Variants in CTSE observed in about 807,000 individuals in gnomAD.
CTSE encodes the protein erythrocyte membrane aspartic proteinase.
A neutral mutation model predicts 42.8 loss-of-function variants in CTSE; 43 were observed. The ratio of observed to expected loss-of-function variants is 1.01; its 90% CI spans 0.79 to 1.30. The LOEUF (loss-of-function observed/expected upper bound fraction) is 1.30, where lower values mean the gene tolerates loss of function less well. Ranked by LOEUF, CTSE falls within the 50% of genes most tolerant of loss-of-function variation. The probability of loss-of-function intolerance (pLI) is 0.00; values close to 1 mark genes in which losing one functional copy is unlikely to be tolerated. For missense variants in CTSE, 532 were observed against 493.5 expected (o/e 1.08, Z -0.74); for synonymous variants, 205 against 191.5 (o/e 1.07, Z -0.58).
chr1:206,018,700 T>G (rs1661328382), intron 4 of CTSE, among the ~76,000 whole-genome samples: 2 of 152,018 alleles, frequency 1.3e-5, no homozygotes, highest in South Asian at 4.1e-4. Context: ...CAATATAAAA[T>G]TATTCTTGAT....
chr1:206,019,817 T>C (rs1335484661), intron 4 of CTSE, among the ~76,000 whole-genome samples: 1 of 142,778 alleles, frequency 7.0e-6, no homozygotes, highest in Non-Finnish European at 1.5e-5. Flanking sequence ...TATTATGTAA[T>C]ATATTATGTT....
chr1:206,010,245 G>A lies in CTSE; in HGVS notation c.1129C>T (p.Gln377Ter), dbSNP rs1661050878. Residue 377 changes from glutamine (Q) to a stop codon, truncating the protein, a stop_gained, in exon 9 of 9, where the codon CAG (glutamine) becomes TAG (stop). Transcript: ENST00000358184. LOFTEE classifies it high-confidence loss of function. The part of the protein sequence containing the change: ...LWILGDVFIR[Q>*]FYSVFDRGNN... ...CCACGGTCAAAGACTGAGTAAAACT[G>A]TCGAATGAAGACATCCCCCAGGATC... The A allele has an allele frequency of 1.2e-6, 2 of 1,613,674 alleles. No homozygotes were observed. Among genetic ancestry groups the A allele is most frequent in the Non-Finnish European group, 1.7e-6 (2 of 1,179,784 alleles).
At chr1:206,016,189 G>T in intron 4 of CTSE, 59 bp from the exon 5 acceptor site, 2 of 1,512,020 alleles carry the variant, frequency 1.3e-6, no homozygotes, top group South Asian at 1.1e-5. Context: ...GCTGGCAAAG[G>T]GTTTGACTCC....
At chr1:206,015,278 G>A (rs145118508) in intron 5 of CTSE, among the ~76,000 whole-genome samples, 55 of 152,108 alleles carry the variant, frequency 3.6e-4, no homozygotes, top group African/African-American at 1.0e-3. Flanking sequence ...CATCAACAAC[G>A]GTTTAAGAAT....
chr1:206,016,022 A>T lies in CTSE; in HGVS notation c.571T>A (p.Ser191Thr). The stretch of plus-strand genomic sequence containing the variant: ...GGAGTCACTCCTCCCACAGCCAAGG[A>T]GGGGTATCCCAGGCCCAGAATTCCA... ...FDGILGLGYP[S>T]LAVGGVTPVF... The change falls in exon 5 of 9, where the codon TCC becomes ACC. Residue 191 changes from serine (S) to threonine (T), a missense_variant. By Grantham distance (58) the Ser-to-Thr change is moderately conservative. Coordinates refer to ENST00000358184, the MANE Select transcript of CTSE (RefSeq NM_001910.4). 1 of 1,613,906 alleles carries T rather than the reference A, an allele frequency of 6.2e-7. No homozygotes were observed. The highest frequency in any genetic ancestry group is 8.5e-7 in the Non-Finnish European group (1 of 1,179,856).
Position 206,010,259 on chromosome 1 carries a change from TC to T in CTSE, c.1114del (p.Asp372MetfsTer40), listed in dbSNP as rs781938686. ...TGAGTAAAACTGTCGAATGAAGACATCCCCCAGGATCCAGAGGGGCCCAGCT... is the reference window on the plus strand; with the variant it reads ...TGAGTAAAACTGTCGAATGAAGACATCCCCAGGATCCAGAGGGGCCCAGCT... ...PPAGPLWILG[D>X]VFIRQFYSVF... On this transcript the variant is annotated frameshift_variant, in exon 9 of 9. Coordinates refer to ENST00000358184, the MANE Select transcript of CTSE (RefSeq NM_001910.4). LOFTEE classifies it high-confidence loss of function. 93 of 1,613,674 alleles carry T rather than the reference TC, an allele frequency of 5.8e-5. 3 individuals are homozygous for T. In the South Asian group the frequency reaches 9.6e-4, roughly 17 times the overall value.
At position 206,010,237 on chromosome 1, in the gene CTSE, G is replaced by A. The variant is rs782191123; in HGVS notation, c.1137C>T (p.Tyr379=). 3 of 1,613,832 alleles carry A rather than the reference G, an allele frequency of 1.9e-6. No individual in the cohort carries two copies. The highest frequency in any genetic ancestry group is 1.3e-5 in the African/African-American group (1 of 75,044). ...ILGDVFIRQF[Y]SVFDRGNNRV... Reference sequence around the variant, plus strand: ...GGTTATTCCCACGGTCAAAGACTGAGTAAAACTGTCGAATGAAGACATCCC... The same window carrying A: ...GGTTATTCCCACGGTCAAAGACTGAATAAAACTGTCGAATGAAGACATCCC... The change falls in exon 9 of 9, where the codon TAC becomes TAT. Residue 379 remains tyrosine, a synonymous_variant. Transcript: ENST00000358184.
At position 206,009,887 on chromosome 1, in the gene CTSE, A is replaced by G. The variant is rs1553276655; in HGVS notation, c.*296T>C. 2.5e-6 allele frequency: 1 copy of G among 396,404 alleles called. No homozygotes were observed. The highest frequency in any genetic ancestry group is 5.0e-5 in the East Asian group (1 of 20,100). 24.6% of individuals were successfully genotyped at this position (396,404 alleles called of 1,614,324 possible). On this transcript the variant is annotated 3_prime_UTR_variant, in exon 9 of 9. Coordinates refer to ENST00000358184, the MANE Select transcript of CTSE (RefSeq NM_001910.4). ...CTTGTGCATATGTTTGGAGATTTTC[A>G]TAATCAAATGTGAAAATTTTTGATT...
At position 206,010,424 on chromosome 1, in the gene CTSE, G is replaced by A. The variant is rs1483978093; in HGVS notation, c.1027-77C>T. 28 of 1,338,936 alleles carry A rather than the reference G, an allele frequency of 2.1e-5. No individual in the cohort carries two copies. The Admixed American group carries it at 4.6e-4, about 22-fold the overall frequency. 82.9% of individuals were successfully genotyped at this position (1,338,936 alleles called of 1,614,324 possible). The stretch of plus-strand genomic sequence containing the variant: ...GTACTGCCTGGAGGCTGCCTGTGTG[G>A]TGGTGGTGGCTGGCACTGGGTGGCC... On this transcript the variant is annotated intron_variant, in intron 8 of 8. Transcript: ENST00000358184.
In CTSE at chr1:206,010,135, C is replaced by G. The variant is rs1553276708; in HGVS notation, c.*48G>C. ...AGGTGTAAAGAATGCCCCAGCCTAACATATTCAAGGTCTGTCAGACAGGCA... is the reference window on the plus strand; with the variant it reads ...AGGTGTAAAGAATGCCCCAGCCTAAGATATTCAAGGTCTGTCAGACAGGCA... On this transcript the variant is annotated 3_prime_UTR_variant, in exon 9 of 9. Transcript: ENST00000358184. The G allele has an allele frequency of 6.2e-7, 1 of 1,610,440 alleles. No individual in the cohort carries two copies. The highest frequency in any genetic ancestry group is 8.5e-7 in the Non-Finnish European group (1 of 1,177,042).
rs368475726 is a variant in CTSE, at chr1:206,022,970, G to A, written c.156C>T (p.Asp52=). The A allele has an allele frequency of 7.4e-6, 12 of 1,611,660 alleles. 1 individual carries two copies. The highest frequency in any genetic ancestry group is 3.3e-5 in the Admixed American group (2 of 59,826). The change falls in exon 2 of 9, where the codon GAC becomes GAT. Residue 52 remains aspartate, a synonymous_variant. Coordinates refer to ENST00000358184, the MANE Select transcript of CTSE (RefSeq NM_001910.4). Reference sequence around the variant, plus strand: ...AGCAGGACTCGGTGAACTGGATCATGTCCAAATTATGGGATTTCCAGAACT... The same window carrying A: ...AGCAGGACTCGGTGAACTGGATCATATCCAAATTATGGGATTTCCAGAACT... ...LSEFWKSHNL[D]MIQFTESCSM...
rs549170858 is a variant in CTSE at position 206,013,807 on chromosome 1, G to T, written c.750C>A (p.Val250=). 1 of 1,613,790 alleles carries T rather than the reference G, an allele frequency of 6.2e-7. No homozygotes were observed. Among genetic ancestry groups the T allele is most frequent in the East Asian group, 2.2e-5 (1 of 44,886 alleles). Residue 250 remains valine, a synonymous_variant, in exon 6 of 9, where the codon GTC becomes GTA. Coordinates refer to ENST00000358184, the MANE Select transcript of CTSE (RefSeq NM_001910.4). Reference sequence around the variant, plus strand: ...CAATCTGCCAGTAAGCTTGCTTGGTGACTGGGACCCAATTCAGGCTCCCAG... The same window carrying T: ...CAATCTGCCAGTAAGCTTGCTTGGTTACTGGGACCCAATTCAGGCTCCCAG... ...HFSGSLNWVP[V]TKQAYWQIAL...
intron 6 of CTSE, among the ~76,000 whole-genome samples, chr1:206,013,316 C>T (rs536269959): frequency 3.3e-5 from 5 of 152,134 alleles, no homozygotes; most frequent in South Asian, 2.1e-4. Context: ...CAGATAGAAG[C>T]GGTCATGCCT....
At chr1:206,022,067 G>T in intron 3 of CTSE, 83 bp downstream of exon 3, 2 of 909,726 alleles carry the variant, frequency 2.2e-6, no homozygotes, top group Middle Eastern at 2.3e-4. Context: ...TGGAACCTAA[G>T]CCCCCCTTCC....
intron 4 of CTSE, among the ~76,000 whole-genome samples, chr1:206,018,456 G>A (rs1455633250): frequency 6.6e-6 from 1 of 151,918 alleles, no homozygotes; most frequent in African/African-American, 2.4e-5. Flanking sequence ...GAGTTATAAA[G>A]TGTTTTTACT....
In CTSE at chr1:206,022,249, T is replaced by C. The variant is rs57621203; in HGVS notation, c.244A>G (p.Ile82Val). The C allele has an allele frequency of 0.022, 35,894 of 1,610,496 alleles. 979 individuals carry two copies. Among genetic ancestry groups the C allele is most frequent in the African/African-American group, 0.12 (9,327 of 74,804 alleles). ...TTCTGTGGTGGGGAGCCAATGGAGA[T>C]AGTGCCGAAGTATTCCATCTGCAAG... The part of the protein sequence containing the change: ...NYLDMEYFGT[I>V]SIGSPPQNFT... Residue 82 changes from isoleucine (I) to valine (V), a missense_variant, in exon 3 of 9, where the codon ATC becomes GTC. Ile to Val is a conservative substitution (Grantham distance 29). Transcript: ENST00000358184.
chr1:206,021,345 A>G lies in CTSE; in HGVS notation c.344-178T>C, dbSNP rs146055237. The G allele has an allele frequency of 4.8e-5, 29 of 605,374 alleles. No individual in the cohort carries two copies. The African/African-American group carries it at 4.8e-4, about 10-fold the overall frequency. The allele number at this position is 605,374 out of a possible 1,614,324, so 37.5% of individuals were successfully genotyped here. On this transcript the variant is annotated intron_variant, in intron 3 of 8. Transcript: ENST00000358184. ...TGAACAACTACATTTCCCTCTAGCT[A>G]CAGATGTGGCCTAACTGGGGACCAA... is the stretch of plus-strand genomic sequence containing the variant.
In CTSE at chr1:206,015,940, T is replaced by C; in HGVS notation, c.653A>G (p.Tyr218Cys). 6.2e-7 allele frequency: 1 copy of C among 1,613,804 alleles called. No individual in the cohort carries two copies. Among genetic ancestry groups the C allele is most frequent in the Non-Finnish European group, 8.5e-7 (1 of 1,179,804 alleles). ...ACTTGATGGGCCTTACCTGCTCATG[T>C]AGACAGAAAACATCGGCAAGTCCAC... ...NLVDLPMFSV[Y>C]MSSNPEGGAG... Residue 218 changes from tyrosine (Y) to cysteine (C), a missense_variant, in exon 5 of 9, where the codon TAC (tyrosine) becomes TGC (cysteine). By Grantham distance (194) the Tyr-to-Cys change is radical. Coordinates refer to ENST00000358184, the MANE Select transcript of CTSE (RefSeq NM_001910.4).
chr1:206,022,787 G>T, intron 2 of CTSE, 114 bp downstream of exon 2: 1 of 1,074,434 alleles, frequency 9.3e-7, no homozygotes, highest in Non-Finnish European at 1.3e-6. Context: ...CATCATCCAA[G>T]TGAAGAAATC....
Sources: gnomAD v4.1 joint callset for allele counts (sites outside exome capture counted in the v4.1 genomes callset) on GRCh38, gnomAD v4.1.1 for gene constraint, MANE v1.5 for transcripts, NCBI Gene and HGNC (gene_info 2026-07-23, HGNC 2026-07-21) for gene names.